Variants in RAD51B observed in about 807,000 individuals in gnomAD.
RAD51B encodes DNA repair protein RAD51 homolog 2.
Under a neutral mutation model 42.2 loss-of-function variants are expected in RAD51B, and 38 were observed. The observed-to-expected ratio is 0.90, with a 90% confidence interval of 0.70 to 1.18. The LOEUF is 1.18. RAD51B is among the 50% of genes most tolerant of loss of function. RAD51B has a pLI of 0.00. For missense variants in RAD51B, 373 were observed against 400.7 expected (o/e 0.93, Z 0.59); for synonymous variants, 154 against 145.2 (o/e 1.06, Z -0.43).
At chr14:68,599,144 A>G (rs1891119681), downstream of RAD51B, among the ~76,000 whole-genome samples, 1 of 152,146 alleles carries the variant, frequency 6.6e-6, no homozygotes, top group Non-Finnish European at 1.5e-5. Context: ...CCAGTACCCT[A>G]TTCCCACACT....
chr14:68,475,651 AC>A (rs1302079923), intron 10 of RAD51B, among the ~76,000 whole-genome samples: 7 of 151,812 alleles, frequency 4.6e-5, no homozygotes, highest in African/African-American at 1.5e-4. Context: ...TAGACCAAAC[AC>A]TTTTTTTTTT....
intron 10 of RAD51B, among the ~76,000 whole-genome samples, chr14:68,630,012 G>T (rs574095050): frequency 6.6e-6 from 1 of 152,224 alleles, no homozygotes; most frequent in African/African-American, 2.4e-5. Context: ...TGAACTAAAA[G>T]ACCAGGTTTC....
intron 7 of RAD51B, among the ~76,000 whole-genome samples, chr14:67,975,059 A>G (rs1415512729): frequency 6.6e-6 from 1 of 152,224 alleles, no homozygotes; most frequent in African/African-American, 2.4e-5. Context: ...TTGCCATAAC[A>G]AATTACCCTA....
chr14:68,477,225 G>A (rs1882707685), intron 10 of RAD51B, among the ~76,000 whole-genome samples: 1 of 152,186 alleles, frequency 6.6e-6, no homozygotes, highest in South Asian at 2.1e-4. Flanking sequence ...GGAAGTATTG[G>A]GCATTTGTTA....
intron 7 of RAD51B, among the ~76,000 whole-genome samples, chr14:68,228,295 A>G (rs1237401737): frequency 1.3e-5 from 2 of 152,238 alleles, no homozygotes; most frequent in Admixed American, 6.5e-5. Flanking sequence ...TGATTAGCTT[A>G]GTGAAAATAT....
chr14:68,616,959 T>C (rs1206871891), intron 10 of RAD51B, among the ~76,000 whole-genome samples: 1 of 152,182 alleles, frequency 6.6e-6, no homozygotes, highest in African/African-American at 2.4e-5. Flanking sequence ...TCATTTTATG[T>C]ATGTTTTTCT....
At chr14:67,963,323 T>A (rs951094036) in intron 7 of RAD51B, among the ~76,000 whole-genome samples, 1 of 152,114 alleles carries the variant, frequency 6.6e-6, no homozygotes, top group Non-Finnish European at 1.5e-5. Flanking sequence ...ATATTCCAGT[T>A]GTCTGGAATA....
chr14:68,502,029 C>G (rs1252086050), intron 10 of RAD51B, among the ~76,000 whole-genome samples: 1 of 152,150 alleles, frequency 6.6e-6, no homozygotes, highest in African/African-American at 2.4e-5. Context: ...GCCCGGTCAC[C>G]TTTATCTGGG....
chr14:68,220,506 A>G (rs1312701899), intron 7 of RAD51B, among the ~76,000 whole-genome samples: 5 of 152,194 alleles, frequency 3.3e-5, no homozygotes, highest in East Asian at 1.9e-4. Context: ...CACAGCCAAC[A>G]TTATACTGAA....
At chr14:68,339,609 G>C (rs748508493) in intron 8 of RAD51B, 11 of 236,226 alleles carry the variant, frequency 4.7e-5, no homozygotes, top group Non-Finnish European at 6.5e-5. Flanking sequence ...TCTAATTTCA[G>C]TTTTATTGAT....
chr14:68,313,185 T>A (rs764381984), intron 8 of RAD51B, among the ~76,000 whole-genome samples: 29 of 152,226 alleles, frequency 1.9e-4, no homozygotes, highest in Non-Finnish European at 8.8e-5. Context: ...CTATGGGAAC[T>A]GCACTGCATG....
chr14:68,058,563 T>C (rs1027756047), intron 7 of RAD51B, among the ~76,000 whole-genome samples: 3 of 152,208 alleles, frequency 2.0e-5, no homozygotes, highest in Non-Finnish European at 4.4e-5. Context: ...ATACATACTC[T>C]TTTGCACCTC....
At chr14:68,271,032 C>T (rs1369725635) in intron 7 of RAD51B, among the ~76,000 whole-genome samples, 1 of 152,124 alleles carries the variant, frequency 6.6e-6, no homozygotes, top group South Asian at 2.1e-4. Context: ...TTTCTTTTTC[C>T]CATGAAGCCT....
intron 8 of RAD51B, among the ~76,000 whole-genome samples, chr14:68,376,381 A>G (rs1201385221): frequency 1.3e-5 from 2 of 152,236 alleles, no homozygotes; most frequent in Non-Finnish European, 2.9e-5. Flanking sequence ...TTGTATTATA[A>G]GCTGTAATTA....
chr14:68,437,133 G>A lies in RAD51B; in HGVS notation c.957+25606G>A, dbSNP rs139855958. Among the ~76,000 whole-genome samples the A allele has an allele frequency of 3.0e-3, 458 of 152,244 alleles. 2 individuals are homozygous for A. The highest frequency in any genetic ancestry group is 0.01 in the African/African-American group (434 of 41,522). On this transcript the variant is annotated intron_variant, in intron 9 of 10. Transcript: ENST00000471583. ...AATGCTTCTAACTTTTGCCCATTCA[G>A]TATGATGTTGGCTGTGGGTTTGTTA...
chr14:68,146,659 G>A (rs2078255889), intron 7 of RAD51B, among the ~76,000 whole-genome samples: 1 of 152,198 alleles, frequency 6.6e-6, no homozygotes, highest in Non-Finnish European at 1.5e-5. Context: ...GAGGCACTAT[G>A]TACCTAACAC....
chr14:68,648,674 AACACACACACACACACACACAC>A (rs35200852), intron 10 of RAD51B, among the ~76,000 whole-genome samples: 2 of 143,614 alleles, frequency 1.4e-5, no homozygotes, highest in African/African-American at 2.6e-5. Flanking sequence ...AAAGCACACA[AACACACACACACACACACACAC>A]ACACACACAC....
intron 10 of RAD51B, among the ~76,000 whole-genome samples, chr14:68,618,497 A>C (rs1369271360): frequency 6.6e-6 from 1 of 152,096 alleles, no homozygotes; most frequent in Non-Finnish European, 1.5e-5. Flanking sequence ...AGGGAGGGTA[A>C]TGCCTCTTCA....
chr14:68,421,455 G>C (rs2084696998), intron 9 of RAD51B, among the ~76,000 whole-genome samples: 1 of 151,966 alleles, frequency 6.6e-6, no homozygotes, highest in Non-Finnish European at 1.5e-5. Context: ...TGGAGTGGGG[G>C]GACCTCAGGC....
Sources: allele counts gnomAD v4.1 joint callset (sites outside exome capture counted in the v4.1 genomes callset), GRCh38; gene constraint gnomAD v4.1.1; transcripts MANE v1.5; gene names NCBI Gene and HGNC (gene_info 2026-07-23, HGNC 2026-07-21).